DYM: variants seen among roughly 807,000 people sequenced by gnomAD.
The protein encoded by DYM is dymeclin.
A neutral mutation model predicts 93.1 loss-of-function variants in DYM; 78 were observed. That is an observed-to-expected ratio of 0.84 (90% CI 0.70 to 1.01). DYM has a LOEUF of 1.01. Ranked by LOEUF, DYM falls within the 50% of genes least tolerant of loss-of-function variation. The pLI is 0.00. For synonymous variants in DYM, 321 were observed against 319.7 expected, an observed-to-expected ratio of 1.00 and a Z score of -0.04; for missense variants, 789 against 845.0, an observed-to-expected ratio of 0.93 and a Z score of 0.82.
chr18:49,270,196 C>G (rs1378072242), intron 11 of DYM, among the ~76,000 whole-genome samples: 3 of 152,180 alleles, frequency 2.0e-5, no homozygotes, highest in African/African-American at 7.2e-5. Flanking sequence ...ACACATTTCT[C>G]ACAATGCTTC....
At chr18:49,295,726 GTA>G (rs2060492735) in intron 8 of DYM, among the ~76,000 whole-genome samples, 1 of 152,000 alleles carries the variant, frequency 6.6e-6, no homozygotes, top group Non-Finnish European at 1.5e-5. Flanking sequence ...ATGCAGGTAT[GTA>G]TTATAAAATT....
At chr18:49,397,972 A>T (rs1357577683) in intron 2 of DYM, among the ~76,000 whole-genome samples, 1 of 152,208 alleles carries the variant, frequency 6.6e-6, no homozygotes, top group Non-Finnish European at 1.5e-5. Context: ...TGCTGGACAG[A>T]GCTGCTAGAA....
chr18:49,038,842 T>G lies in DYM; in HGVS notation c.*5213A>C, dbSNP rs1261941309. Among the ~76,000 whole-genome samples, 2 of 152,252 alleles carry G rather than the reference T, an allele frequency of 1.3e-5. No individual in the cohort carries two copies. Among genetic ancestry groups the G allele is most frequent in the Admixed American group, 1.3e-4 (2 of 15,286 alleles). On this transcript the variant is annotated 3_prime_UTR_variant, in exon 18 of 18. Coordinates refer to ENST00000675505, the MANE Select transcript of DYM (RefSeq NM_001353214.3). ...TACATGAGTTATCAAAGACTAATAT[T>G]AAATGAATTTTTACTCTCTTCTTGG...
intron 16 of DYM, 75 bp from the exon 17 acceptor site, chr18:49,097,590 G>T: frequency 8.3e-7 from 1 of 1,203,036 alleles, no homozygotes. Context: ...TTCTCACATG[G>T]TAGTCAAACT....
intron 13 of DYM, among the ~76,000 whole-genome samples, chr18:49,222,847 A>G (rs568713370): frequency 4.6e-5 from 7 of 152,294 alleles, no homozygotes; most frequent in African/African-American, 1.7e-4. Context: ...TATGGTAACT[A>G]GAAATTTGCC....
intron 13 of DYM, among the ~76,000 whole-genome samples, chr18:49,236,079 G>A (rs1246164230): frequency 6.6e-6 from 1 of 152,046 alleles, no homozygotes; most frequent in African/African-American, 2.4e-5. Flanking sequence ...TGTCACTTTG[G>A]ATAACTTAAA....
chr18:49,145,125 A>ATATATATATATAATT (rs1333291999), intron 15 of DYM, among the ~76,000 whole-genome samples: 1 of 114,530 alleles, frequency 8.7e-6, no homozygotes, highest in African/African-American at 3.2e-5. Flanking sequence ...ATATATATAT[A>ATATATATATATAATT]TATATATATA....
chr18:49,320,343 T>C (rs993818698), intron 8 of DYM, among the ~76,000 whole-genome samples: 5 of 152,330 alleles, frequency 3.3e-5, no homozygotes, highest in Admixed American at 6.5e-5. Flanking sequence ...AGATTTTACA[T>C]TAACATTTTG....
intron 3 of DYM, among the ~76,000 whole-genome samples, chr18:49,380,774 C>T (rs770000280): frequency 1.4e-4 from 21 of 152,166 alleles, no homozygotes; most frequent in Non-Finnish European, 2.6e-4. Flanking sequence ...AAAGGCTAAG[C>T]GCTGAGCTTA....
intron 16 of DYM, among the ~76,000 whole-genome samples, chr18:49,100,257 A>G (rs2080001120): frequency 6.6e-6 from 1 of 152,142 alleles, no homozygotes; most frequent in African/African-American, 2.4e-5. Flanking sequence ...TCTCTGGGGC[A>G]TGTGGAGCCA....
chr18:49,213,531 G>C (rs1245228252), intron 13 of DYM, among the ~76,000 whole-genome samples: 2 of 152,060 alleles, frequency 1.3e-5, no homozygotes, highest in Non-Finnish European at 2.9e-5. Context: ...GGTCAAGCTG[G>C]TCTTGAAATC....
chr18:49,451,915 A>T (rs2148703675), intron 1 of DYM, among the ~76,000 whole-genome samples: 1 of 152,344 alleles, frequency 6.6e-6, no homozygotes, highest in East Asian at 1.9e-4. Flanking sequence ...AGCTTACAAG[A>T]AACAAAAAGA....
intron 14 of DYM, among the ~76,000 whole-genome samples, chr18:49,199,996 AAAG>A (rs1351078591): frequency 6.6e-6 from 1 of 152,152 alleles, no homozygotes; most frequent in Non-Finnish European, 1.5e-5. Flanking sequence ...AAAGAAAAAA[AAAG>A]AAGAAAAAAA....
chr18:49,127,079 G>A (rs1266553521), intron 15 of DYM, among the ~76,000 whole-genome samples: 1 of 152,172 alleles, frequency 6.6e-6, no homozygotes, highest in African/African-American at 2.4e-5. Flanking sequence ...CAATGGAGCA[G>A]CCATAATAGA....
At chr18:49,079,229 T>C (rs542438283) in intron 17 of DYM, among the ~76,000 whole-genome samples, 69 of 152,334 alleles carry the variant, frequency 4.5e-4, no homozygotes, top group Non-Finnish European at 8.7e-4. Flanking sequence ...AGGAAAGCCA[T>C]AGTAGTTACT....
rs35936099 is a variant in DYM, at chr18:49,117,996, CTTTTTTTTTT to C, written c.1911+738_1911+747del. Among the ~76,000 whole-genome samples, 20 of 53,480 alleles carry C rather than the reference CTTTTTTTTTT, an allele frequency of 3.7e-4. No individual in the cohort carries two copies. The East Asian group carries it at 0.011, about 29-fold the overall frequency. 35.1% of individuals were successfully genotyped at this position (53,480 alleles called of 152,430 possible). ...ACAGGCATAAGCCACTGTGCCCAGC[CTTTTTTTTTT>C]TTTTTTTTTTTTTTGTGTGTGAGAC... is the stretch of plus-strand genomic sequence containing the variant. On this transcript the variant is annotated intron_variant, in intron 16 of 17. Coordinates refer to ENST00000675505, the MANE Select transcript of DYM (RefSeq NM_001353214.3).
chr18:49,458,154 G>A (rs1159384727), intron 1 of DYM, among the ~76,000 whole-genome samples: 2 of 152,164 alleles, frequency 1.3e-5, no homozygotes, highest in Non-Finnish European at 2.9e-5. Flanking sequence ...CTAATAATAT[G>A]TGAAATTATC....
chr18:49,070,738 C>T (rs2076817136), intron 17 of DYM, among the ~76,000 whole-genome samples: 1 of 152,142 alleles, frequency 6.6e-6, no homozygotes, highest in South Asian at 2.1e-4. Flanking sequence ...TCAATCAATA[C>T]TAGTTGAACA....
chr18:49,233,581 C>T (rs2093774300), intron 13 of DYM, among the ~76,000 whole-genome samples: 1 of 152,168 alleles, frequency 6.6e-6, no homozygotes, highest in Non-Finnish European at 1.5e-5. Context: ...AGTAGTTGTG[C>T]TATCACTCCC....
Sources: gnomAD v4.1 joint callset for allele counts (sites outside exome capture counted in the v4.1 genomes callset) on GRCh38, gnomAD v4.1.1 for gene constraint, MANE v1.5 for transcripts, NCBI Gene and HGNC (gene_info 2026-07-23, HGNC 2026-07-21) for gene names.